The following ERBIN variants were observed in gnomAD, a reference collection of about 807,000 sequenced individuals.
ERBIN encodes densin-180-like protein.
In ERBIN, 60 loss-of-function variants were observed where a neutral mutation model predicts 158.4. The observed-to-expected ratio is 0.38, with a 90% CI of 0.31 to 0.47. The LOEUF is 0.47. Ranked by LOEUF, ERBIN falls within the 20% of genes least tolerant of loss-of-function variation. The pLI is 0.99. For missense variants in ERBIN, 1,610 were observed against 1,648.0 expected, an observed-to-expected ratio of 0.98 and a Z score of 0.40; for synonymous variants, 594 against 557.2, an observed-to-expected ratio of 1.07 and a Z score of -0.93.
Position 65,945,515 on chromosome 5 carries a change from T to G in ERBIN, c.-58+18709T>G, listed in dbSNP as rs188128209. On this transcript the variant is annotated intron_variant, in intron 1 of 25. Coordinates refer to ENST00000284037, the MANE Select transcript of ERBIN (RefSeq NM_001253697.2). ...GCTCCTTTATGGTGCTGGTAATTTG[T>G]TTTGGGTCCATGTTGCCTGCCGTAT... Among the ~76,000 whole-genome samples, 28 of 152,328 alleles carry G rather than the reference T, an allele frequency of 1.8e-4. No homozygotes were observed. The East Asian group carries it at 4.4e-3, about 24-fold the overall frequency.
intron 1 of ERBIN, among the ~76,000 whole-genome samples, chr5:65,934,415 ATTTC>A (rs1457486696): frequency 6.6e-6 from 1 of 152,014 alleles, no homozygotes; most frequent in East Asian, 1.9e-4. Context: ...ATCTGGAATA[ATTTC>A]TTTCTCTTTT....
intron 1 of ERBIN, among the ~76,000 whole-genome samples, chr5:65,973,670 G>T (rs955177574): frequency 6.6e-6 from 1 of 151,206 alleles, no homozygotes; most frequent in Non-Finnish European, 1.5e-5. Context: ...TTAAAGAACC[G>T]AAGAAGTAAT....
intron 1 of ERBIN, among the ~76,000 whole-genome samples, chr5:65,962,769 A>G (rs977977266): frequency 1.3e-5 from 2 of 152,180 alleles, no homozygotes; most frequent in African/African-American, 4.8e-5. Flanking sequence ...CTGTGTAACT[A>G]TGCACTTCTA....
At chr5:66,074,663 A>C (rs1761823670) in intron 22 of ERBIN, among the ~76,000 whole-genome samples, 2 of 152,196 alleles carry the variant, frequency 1.3e-5, no homozygotes, top group African/African-American at 4.8e-5. Flanking sequence ...AAATTTTAAA[A>C]TTTTGGTATA....
chr5:66,075,364 G>A (rs372368936), intron 23 of ERBIN, 134 bp downstream of exon 23: 9 of 752,002 alleles, frequency 1.2e-5, no homozygotes, highest in African/African-American at 1.8e-5. Context: ...TTTATGTTAC[G>A]TTTATAAGGC....
At chr5:66,025,076 G>A (rs1756092269) in intron 10 of ERBIN, among the ~76,000 whole-genome samples, 2 of 152,064 alleles carry the variant, frequency 1.3e-5, no homozygotes, top group Admixed American at 1.3e-4. Context: ...AGTATATATG[G>A]AATAGTTTTT....
intron 5 of ERBIN, 78 bp from the exon 6 acceptor site, chr5:66,013,471 T>A (rs927964999): frequency 9.8e-7 from 1 of 1,022,228 alleles, no homozygotes. Context: ...TGGGAAAATA[T>A]CTTGTGAGAG....
intron 1 of ERBIN, among the ~76,000 whole-genome samples, chr5:65,980,342 C>T (rs1393190923): frequency 2.6e-5 from 4 of 152,000 alleles, no homozygotes; most frequent in South Asian, 2.1e-4. Flanking sequence ...GCAGGAGAAT[C>T]GGGTGAACCT....
At chr5:65,950,392 G>A (rs1746357156) in intron 1 of ERBIN, among the ~76,000 whole-genome samples, 1 of 152,060 alleles carries the variant, frequency 6.6e-6, no homozygotes, top group African/African-American at 2.4e-5. Context: ...TTTGTAGAAT[G>A]TTTCTAAGTT....
Position 65,940,348 on chromosome 5 carries a change from C to T in ERBIN, c.-58+13542C>T, listed in dbSNP as rs1253315558. The stretch of plus-strand genomic sequence containing the variant: ...ATGAGAAGTGAGGAGCCCCTCCGCC[C>T]GGCAGCCACCCCGTCTGGGAAGTGA... On this transcript the variant is annotated intron_variant, in intron 1 of 25. Coordinates refer to ENST00000284037, the MANE Select transcript of ERBIN (RefSeq NM_001253697.2). 2.7e-5 allele frequency among the ~76,000 whole-genome samples: 4 copies of T among 148,912 alleles called. 1 individual carries two copies. The highest frequency in any genetic ancestry group is 4.2e-4 in the South Asian group (2 of 4,770).
intron 1 of ERBIN, among the ~76,000 whole-genome samples, chr5:65,982,657 A>G (rs1047381307): frequency 1.7e-5 from 2 of 115,696 alleles, no homozygotes; most frequent in Non-Finnish European, 3.7e-5. Flanking sequence ...AGATACTGCA[A>G]TTACATAGGC....
intron 3 of ERBIN, among the ~76,000 whole-genome samples, chr5:65,993,799 A>G (rs1202476950): frequency 6.6e-6 from 1 of 152,162 alleles, no homozygotes; most frequent in African/African-American, 2.4e-5. Flanking sequence ...AATAAGGAAT[A>G]ATTTGTTAGT....
intron 17 of ERBIN, among the ~76,000 whole-genome samples, chr5:66,044,850 G>A (rs1277537906): frequency 6.6e-6 from 1 of 151,968 alleles, no homozygotes; most frequent in Non-Finnish European, 1.5e-5. Flanking sequence ...GCCGAGGTGG[G>A]ATGGTCACTT....
At chr5:66,072,087 C>T in intron 21 of ERBIN, 82 bp from the exon 22 acceptor site, 1 of 1,421,418 alleles carries the variant, frequency 7.0e-7, no homozygotes, top group Non-Finnish European at 9.4e-7. Flanking sequence ...ATATTTTTTC[C>T]TAATCTTCTC....
chr5:66,080,478 TAAAA>T lies in ERBIN; in HGVS notation c.*1956_*1959del. The T allele has an allele frequency of 6.9e-6, 1 of 145,516 alleles. No individual in the cohort carries two copies. The highest frequency in any genetic ancestry group is 2.2e-4 in the South Asian group (1 of 4,600). 9.0% of individuals were successfully genotyped at this position (145,516 alleles called of 1,614,324 possible). ...CACTTATTGTATGTGTGTTGTAATCTAAAAAAAAAAAGAATGACAAACAGCTTCT... is the reference window on the plus strand; with the variant it reads ...CACTTATTGTATGTGTGTTGTAATCTAAAAAAAGAATGACAAACAGCTTCT... On this transcript the variant is annotated 3_prime_UTR_variant, in exon 26 of 26. Transcript: ENST00000284037.
At chr5:66,021,032 T>C (rs535610710) in intron 7 of ERBIN, among the ~76,000 whole-genome samples, 2 of 152,074 alleles carry the variant, frequency 1.3e-5, no homozygotes, top group South Asian at 2.1e-4. Flanking sequence ...TGTGAAAAAA[T>C]AGAAACTCAT....
At chr5:65,949,975 A>C (rs902465673) in intron 1 of ERBIN, among the ~76,000 whole-genome samples, 4 of 150,546 alleles carry the variant, frequency 2.7e-5, no homozygotes, top group Non-Finnish European at 5.9e-5. Context: ...GTATGCAGGA[A>C]CCTAAAATAT....
chr5:66,064,007 A>G (rs1760737792), intron 21 of ERBIN, among the ~76,000 whole-genome samples: 1 of 152,214 alleles, frequency 6.6e-6, no homozygotes, highest in African/African-American at 2.4e-5. Flanking sequence ...TTTAGGTAAT[A>G]ACTGGTTCAA....
intron 9 of ERBIN, among the ~76,000 whole-genome samples, chr5:66,023,814 T>TACAGGTGACC (rs1755951270): frequency 6.6e-6 from 1 of 152,036 alleles, no homozygotes; most frequent in African/African-American, 2.4e-5. Flanking sequence ...TAGCTGGGAC[T>TACAGGTGACC]ACAGGTGACC....
Sources: gnomAD v4.1 joint callset for allele counts (sites outside exome capture counted in the v4.1 genomes callset) on GRCh38, gnomAD v4.1.1 for gene constraint, MANE v1.5 for transcripts, NCBI Gene and HGNC (gene_info 2026-07-23, HGNC 2026-07-21) for gene names.